The following UGT1A7 variants were observed in gnomAD, a reference collection of about 807,000 sequenced individuals.
UGT1A7 encodes the protein UDP-glucuronosyltransferase 1A7.
A neutral mutation model predicts 45.6 loss-of-function variants in UGT1A7; 33 were observed. That is an observed-to-expected ratio of 0.72 (90% CI 0.55 to 0.97). UGT1A7 has a LOEUF of 0.97. Ranked by LOEUF, UGT1A7 falls within the 50% of genes least tolerant of loss-of-function variation. The pLI is 0.00. For missense variants in UGT1A7, 684 were observed against 666.2 expected, an observed-to-expected ratio of 1.03 and a Z score of -0.29; for synonymous variants, 274 against 250.6, an observed-to-expected ratio of 1.09 and a Z score of -0.88.
At chr2:233,714,045 A>G (rs963415304) in intron 1 of UGT1A7, among the ~76,000 whole-genome samples, 1 of 152,156 alleles carries the variant, frequency 6.6e-6, no homozygotes, top group Non-Finnish European at 1.5e-5. Context: ...CAGGGTTTCA[A>G]TGGCCACTGA....
In UGT1A7 at chr2:233,714,784, C is replaced by T. The variant is rs564838268; in HGVS notation, c.855+31992C>T. Among the ~76,000 whole-genome samples, 4 of 152,314 alleles carry T rather than the reference C, an allele frequency of 2.6e-5. No individual in the cohort carries two copies. The East Asian group carries it at 7.7e-4, about 29-fold the overall frequency. ...AGTATATCTCAATTTGGAATAGCCA[C>T]ATTTCAAGTGCTCAATATTCATATG... is the stretch of plus-strand genomic sequence containing the variant. On this transcript the variant is annotated intron_variant, in intron 1 of 4. Coordinates refer to ENST00000373426, the MANE Select transcript of UGT1A7 (RefSeq NM_019077.3).
chr2:233,734,624 C>A (rs1319602311), intron 1 of UGT1A7, among the ~76,000 whole-genome samples: 1 of 152,146 alleles, frequency 6.6e-6, no homozygotes, highest in Non-Finnish European at 1.5e-5. Flanking sequence ...GATTTTAGAT[C>A]TTTCCTGCTT....
chr2:233,721,860 C>T (rs2076977030), intron 1 of UGT1A7: 1 of 507,874 alleles, frequency 2.0e-6, no homozygotes, highest in Non-Finnish European at 3.9e-6. Flanking sequence ...ACTGCTCGGC[C>T]CTGGGCACAC....
chr2:233,745,600 C>G (rs1179957536), intron 1 of UGT1A7, among the ~76,000 whole-genome samples: 2 of 151,524 alleles, frequency 1.3e-5, no homozygotes, highest in African/African-American at 4.9e-5. Context: ...GGACTTGGCA[C>G]TTGGTAAGCA....
intron 1 of UGT1A7, chr2:233,690,926 C>T (rs990494432): frequency 3.1e-5 from 32 of 1,021,698 alleles, no homozygotes; most frequent in Admixed American, 1.1e-4. Flanking sequence ...ATTTCTTCAG[C>T]TCCTTCCTCC....
chr2:233,701,126 A>G (rs1398709726), intron 1 of UGT1A7, among the ~76,000 whole-genome samples: 2 of 152,140 alleles, frequency 1.3e-5, no homozygotes, highest in African/African-American at 4.8e-5. Flanking sequence ...TCATTGAGGG[A>G]CATTTAGGTT....
At chr2:233,715,779 TA>T (rs1348568984) in intron 1 of UGT1A7, among the ~76,000 whole-genome samples, 1 of 152,020 alleles carries the variant, frequency 6.6e-6, no homozygotes, top group Non-Finnish European at 1.5e-5. Context: ...CTCAAAAAAA[TA>T]AAAATTTATT....
rs747443609 is a variant in UGT1A7 at position 233,768,266 on chromosome 2, T to C, written c.1122T>C (p.Gly374=). 6.8e-6 allele frequency: 11 copies of C among 1,614,024 alleles called. No individual in the cohort carries two copies. Among genetic ancestry groups the C allele is most frequent in the Non-Finnish European group, 9.3e-6 (11 of 1,180,038 alleles). ...TTATCACCCATGCTGGTTCCCATGG[T>C]GTTTATGAAAGCATATGCAATGGCG... is the stretch of plus-strand genomic sequence containing the variant. The part of the protein sequence containing the change: ...RAFITHAGSH[G]VYESICNGVP... The change falls in exon 4 of 5, where the codon GGT becomes GGC. Residue 374 remains glycine, a synonymous_variant. Coordinates refer to ENST00000373426, the MANE Select transcript of UGT1A7 (RefSeq NM_019077.3).
rs1697459307 is a variant in UGT1A7, at chr2:233,760,471, C to T, written c.856-6563C>T. The T allele has an allele frequency of 7.4e-6, 12 of 1,614,210 alleles. No individual in the cohort carries two copies. The highest frequency in any genetic ancestry group is 1.0e-5 in the Non-Finnish European group (12 of 1,180,040). ...GGGACATGAAATAGTTGTCCTAGCA[C>T]CTGACGCCTCGTTGTACATCAGAGA... On this transcript the variant is annotated intron_variant, in intron 1 of 4. Coordinates refer to ENST00000373426, the MANE Select transcript of UGT1A7 (RefSeq NM_019077.3).
At chr2:233,732,404 T>C (rs956543939) in intron 1 of UGT1A7, among the ~76,000 whole-genome samples, 10 of 152,268 alleles carry the variant, frequency 6.6e-5, no homozygotes, top group African/African-American at 2.2e-4. Flanking sequence ...GCCTAAATGA[T>C]ATTGCCTAGG....
intron 1 of UGT1A7, among the ~76,000 whole-genome samples, chr2:233,704,038 G>A (rs1347198541): frequency 6.6e-6 from 1 of 151,800 alleles, no homozygotes; most frequent in Non-Finnish European, 1.5e-5. Flanking sequence ...CTACAGGTGT[G>A]CACCAACATG....
At chr2:233,728,971 A>T (rs1249154361) in intron 1 of UGT1A7, 11 of 1,483,052 alleles carry the variant, frequency 7.4e-6, no homozygotes. Context: ...ACAGTGATAG[A>T]TTAATGGTTA....
chr2:233,723,875 G>A (rs1353661197), intron 1 of UGT1A7, among the ~76,000 whole-genome samples: 1 of 40,312 alleles, frequency 2.5e-5, no homozygotes, highest in Non-Finnish European at 4.2e-5. Context: ...AGGATCCCAA[G>A]GCAGAGGAAT....
chr2:233,690,976 A>T (rs1234875784), intron 1 of UGT1A7: 6 of 1,000,018 alleles, frequency 6.0e-6, no homozygotes, highest in East Asian at 1.1e-4. Flanking sequence ...TAAGAACAGG[A>T]CCCACATATG....
chr2:233,768,861 G>A (rs1031930019), intron 4 of UGT1A7, among the ~76,000 whole-genome samples: 1 of 152,004 alleles, frequency 6.6e-6, no homozygotes, highest in African/African-American at 2.4e-5. Flanking sequence ...TGAGATTACA[G>A]GCATGAGCCA....
At chr2:233,735,001 G>A (rs76924132) in intron 1 of UGT1A7, among the ~76,000 whole-genome samples, 2 of 152,186 alleles carry the variant, frequency 1.3e-5, no homozygotes, top group African/African-American at 4.8e-5. Flanking sequence ...TTGACTTAGG[G>A]TGGAGAGTTC....
At chr2:233,749,248 AT>A (rs1216234192) in intron 1 of UGT1A7, among the ~76,000 whole-genome samples, 1 of 151,808 alleles carries the variant, frequency 6.6e-6, no homozygotes, top group Admixed American at 6.6e-5. Flanking sequence ...AAACCACATG[AT>A]TTTTTTATTG....
intron 1 of UGT1A7, among the ~76,000 whole-genome samples, chr2:233,766,156 G>C (rs1699057554): frequency 6.6e-6 from 1 of 152,196 alleles, no homozygotes; most frequent in Admixed American, 6.5e-5. Context: ...TGGGCTTGGA[G>C]AATGAGTGCA....
intron 1 of UGT1A7, among the ~76,000 whole-genome samples, chr2:233,724,799 C>G (rs559235136): frequency 7.2e-6 from 1 of 139,172 alleles, no homozygotes; most frequent in Non-Finnish European, 1.5e-5. Flanking sequence ...GACGGGGTGG[C>G]GGCCGGGCAG....
Sources: allele counts gnomAD v4.1 joint callset (sites outside exome capture counted in the v4.1 genomes callset), GRCh38; gene constraint gnomAD v4.1.1; transcripts MANE v1.5; gene names NCBI Gene and HGNC (gene_info 2026-07-23, HGNC 2026-07-21).